Variants in ZNF142 observed in about 807,000 individuals in gnomAD.
The protein encoded by ZNF142 is zinc finger protein 142 (clone pHZ-49).
Under a neutral mutation model 132.1 loss-of-function variants are expected in ZNF142, and 96 were observed. The observed-to-expected ratio is 0.73, with a 90% confidence interval of 0.62 to 0.86. The LOEUF is 0.86. Ranked by LOEUF, ZNF142 falls within the 40% of genes least tolerant of loss-of-function variation. The pLI is 0.00. For synonymous variants in ZNF142, 842 were observed against 890.1 expected (o/e 0.95, Z 0.96); for missense variants, 2,163 against 2,336.2 (o/e 0.93, Z 1.53).
At chr2:218,652,513 A>AGGAATTTAT (rs1379936630) in intron 4 of ZNF142, among the ~76,000 whole-genome samples, 1 of 152,234 alleles carries the variant, frequency 6.6e-6, no homozygotes, top group Non-Finnish European at 1.5e-5. Flanking sequence ...AATACTTGGC[A>AGGAATTTAT]CAAGATAGGT....
rs749897534 is a variant in ZNF142, at chr2:218,633,514, A to C, written c.*4825T>G. ...AGGAGGGAGAATACAGTGGGGAGGC[A>C]GTGGGCAGAGGTTTAGGTTGGATGG... On this transcript the variant is annotated 3_prime_UTR_variant, in exon 11 of 11. Transcript: ENST00000411696. 7.0e-7 allele frequency: 1 copy of C among 1,428,810 alleles called. No homozygotes were observed. The highest frequency in any genetic ancestry group is 1.2e-5 in the South Asian group (1 of 86,604). 88.5% of individuals were successfully genotyped at this position (1,428,810 alleles called of 1,614,324 possible).
chr2:218,644,986 C>G lies in ZNF142; in HGVS notation c.2130G>C (p.Lys710Asn). The G allele has an allele frequency of 1.9e-6, 3 of 1,614,170 alleles. No individual in the cohort carries two copies. The highest frequency in any genetic ancestry group is 2.5e-6 in the Non-Finnish European group (3 of 1,180,010). Reference protein sequence around the residue: ...LSSHKLRHQGKSLMCEVCAFA... With the variant: ...LSSHKLRHQGNSLMCEVCAFA... Reference sequence around the variant, plus strand: ...AGGCACACACCTCACACATCAGAGACTTGCCCTGATGCCGCAGCTTGTGGC... The same window carrying G: ...AGGCACACACCTCACACATCAGAGAGTTGCCCTGATGCCGCAGCTTGTGGC... Residue 710 changes from lysine (K) to asparagine (N), a missense_variant, in exon 9 of 11, where the codon AAG becomes AAC. Lys to Asn is a moderately conservative substitution (Grantham distance 94). Transcript: ENST00000411696. The surrounding 1 kb of genome is among the most constrained non-coding windows in gnomAD (Gnocchi z 4.6).
At position 218,638,014 on chromosome 2, in the gene ZNF142, CAGTA is replaced by C. The variant is rs1224958213; in HGVS notation, c.*321_*324del. ...TTCTGAAAGAAAATAGGAATTGACA[CAGTA>C]AGAAGGAAAGAGAAGATGGAGTGGG... is the stretch of plus-strand genomic sequence containing the variant. On this transcript the variant is annotated 3_prime_UTR_variant, in exon 11 of 11. Coordinates refer to ENST00000411696, the MANE Select transcript of ZNF142 (RefSeq NM_001379659.1). 1.2e-5 allele frequency: 3 copies of C among 245,164 alleles called. No individual in the cohort carries two copies. Among genetic ancestry groups the C allele is most frequent in the African/African-American group, 4.5e-5 (2 of 44,878 alleles). The allele number at this position is 245,164 out of a possible 1,614,324, so 15.2% of individuals were successfully genotyped here. A position where few individuals can be genotyped will look rare whatever the true frequency, so the allele number is the denominator to read the frequency against.
rs1171890002 is a variant in ZNF142, at chr2:218,643,459, G to A, written c.3657C>T (p.His1219=). ...AGTGAAACTTGCCCTGCTCAAAGCG[G>A]TGCTTCTTCAGGGCCTCTGTGGGTG... ...NSSPTEALKK[H]RFEQGKFHCN... The change falls in exon 9 of 11, where the codon CAC becomes CAT. Residue 1219 remains histidine (H), a synonymous_variant. Coordinates refer to ENST00000411696, the MANE Select transcript of ZNF142 (RefSeq NM_001379659.1). The A allele has an allele frequency of 2.5e-6, 4 of 1,614,238 alleles. No homozygotes were observed. The highest frequency in any genetic ancestry group is 2.5e-6 in the Non-Finnish European group (3 of 1,180,040).
At chr2:218,655,246 C>T (rs1225226057) in intron 4 of ZNF142, among the ~76,000 whole-genome samples, 1 of 151,862 alleles carries the variant, frequency 6.6e-6, no homozygotes, top group Non-Finnish European at 1.5e-5. Context: ...TTTTAAATTT[C>T]TTTCACCATA....
chr2:218,656,783 C>T (rs1397322923), intron 3 of ZNF142, among the ~76,000 whole-genome samples: 1 of 150,032 alleles, frequency 6.7e-6, no homozygotes, highest in Non-Finnish European at 1.5e-5. Flanking sequence ...TTATCTGCAA[C>T]AAAATTAGGT....
chr2:218,634,320 T>C lies in ZNF142; in HGVS notation c.*4019A>G, dbSNP rs1342858671. On this transcript the variant is annotated 3_prime_UTR_variant, in exon 11 of 11. Transcript: ENST00000411696. The surrounding 1 kb of genome is among the most constrained non-coding windows in gnomAD (Gnocchi z 4.0). ...AGGGTTGGGGAATGCTCAAGAAAAT[T>C]GCTAGGCTGAGAAATGCTATCAGTG... 1 of 1,572,986 alleles carries C rather than the reference T, an allele frequency of 6.4e-7. No homozygotes were observed. The highest frequency in any genetic ancestry group is 8.6e-7 in the Non-Finnish European group (1 of 1,158,882).
In ZNF142 at chr2:218,636,059, A is replaced by G; in HGVS notation, c.*2280T>C. On this transcript the variant is annotated 3_prime_UTR_variant, in exon 11 of 11. Coordinates refer to ENST00000411696, the MANE Select transcript of ZNF142 (RefSeq NM_001379659.1). Reference sequence around the variant, plus strand: ...CATGGGAGGCAGTGTGGAACAGTACAAAGAATCCTGGCTCTTCACTTAAAA... The same window carrying G: ...CATGGGAGGCAGTGTGGAACAGTACGAAGAATCCTGGCTCTTCACTTAAAA... The G allele has an allele frequency of 6.8e-7, 1 of 1,473,042 alleles. No individual in the cohort carries two copies. Among genetic ancestry groups the G allele is most frequent in the Non-Finnish European group, 9.2e-7 (1 of 1,081,712 alleles). The allele number at this position is 1,473,042 out of a possible 1,614,324, so 91.2% of individuals were successfully genotyped here.
At position 218,649,010 on chromosome 2, in the gene ZNF142, G is replaced by A. The variant is rs753676337; in HGVS notation, c.1498C>T (p.Arg500Cys). The A allele has an allele frequency of 3.0e-5, 49 of 1,612,382 alleles. No individual in the cohort carries two copies. Among genetic ancestry groups the A allele is most frequent in the Middle Eastern group, 3.3e-4 (2 of 6,062 alleles). The change falls in exon 7 of 11, where the codon CGC becomes TGC. Residue 500 changes from arginine (R) to cysteine (C), a missense_variant. Arg to Cys is a radical substitution (Grantham distance 180). Around this residue, in one of 7 missense-constraint regions of ZNF142, gnomAD observed 749 missense variants for 830.3 expected, o/e 0.90. Transcript: ENST00000411696. The stretch of plus-strand genomic sequence containing the variant: ...TTCAGGTGCTTAATGAAGGCCTTGC[G>A]GTCGGGTGCTGCATAGCTGCAGCCC... The part of the protein sequence containing the change: ...QEGCSYAAPD[R>C]KAFIKHLKET...
Position 218,642,331 on chromosome 2 carries a change from C to G in ZNF142, c.4785G>C (p.Leu1595=). The G allele has an allele frequency of 6.2e-7, 1 of 1,613,808 alleles. No homozygotes were observed. Residue 1595 remains leucine, a synonymous_variant, in exon 9 of 11, where the codon CTG becomes CTC. Transcript: ENST00000411696. This position sits in a 1 kb window ranked among gnomAD's most constrained non-coding sequence, Gnocchi z 4.6. ...CATGCTGTTCCAGGTAGTGCTTTAC[C>G]AGGCCCACCCGCTCCCGGGCAGCAA... ...CDFAARERVG[L]VKHYLEQHEE... is the part of the protein sequence containing the mutation.
intron 10 of ZNF142, among the ~76,000 whole-genome samples, chr2:218,639,105 G>A (rs897191061): frequency 3.3e-5 from 5 of 152,150 alleles, no homozygotes; most frequent in Non-Finnish European, 7.3e-5. Context: ...CCAAGTAGCT[G>A]GAATAACAGG....
chr2:218,639,426 C>G (rs941602981), intron 10 of ZNF142, among the ~76,000 whole-genome samples: 23 of 152,178 alleles, frequency 1.5e-4, no homozygotes, highest in Admixed American at 6.6e-5. Context: ...AATGAATACT[C>G]AAATATGGAA....
At position 218,634,066 on chromosome 2, in the gene ZNF142, C is replaced by A; in HGVS notation, c.*4273G>T. 6.4e-7 allele frequency: 1 copy of A among 1,566,714 alleles called. No homozygotes were observed. Among genetic ancestry groups the A allele is most frequent in the Non-Finnish European group, 8.7e-7 (1 of 1,155,184 alleles). On this transcript the variant is annotated 3_prime_UTR_variant, in exon 11 of 11. Coordinates refer to ENST00000411696, the MANE Select transcript of ZNF142 (RefSeq NM_001379659.1). The surrounding 1 kb of genome is among the most constrained non-coding windows in gnomAD (Gnocchi z 4.0). ...CTTGGGACTAGGGAAGTGGGAGATT[C>A]CACCCCACTTCCATCTCCCTCTCTA...
At position 218,656,312 on chromosome 2, in the gene ZNF142, C is replaced by G. The variant is rs1440087923; in HGVS notation, c.118G>C (p.Val40Leu). 9 of 1,607,966 alleles carry G rather than the reference C, an allele frequency of 5.6e-6. No homozygotes were observed. Among genetic ancestry groups the G allele is most frequent in the Middle Eastern group, 1.7e-4 (1 of 6,042 alleles). The change falls in exon 4 of 11, where the codon GTC becomes CTC. Residue 40 changes from valine (V) to leucine (L), a missense_variant. By Grantham distance (32) the Val-to-Leu change is conservative (BLOSUM62 1). Transcript: ENST00000411696. ...TCCCGGGAAGGACAGGGGCTCTGGA[C>G]AGGCCCCAGGATTCCACGGTTAGAG... The part of the protein sequence containing the change: ...PLSNRGILGP[V>L]QSPCPSRDPA...
At chr2:218,641,746 C>T (rs1440394458) in intron 9 of ZNF142, among the ~76,000 whole-genome samples, 32 of 151,958 alleles carry the variant, frequency 2.1e-4, no homozygotes, top group Admixed American at 1.5e-3. Flanking sequence ...GCTCTGCTGC[C>T]GAGTGGTCTT....
chr2:218,654,106 T>C (rs1162048543), intron 4 of ZNF142, among the ~76,000 whole-genome samples: 5 of 152,194 alleles, frequency 3.3e-5, no homozygotes, highest in Non-Finnish European at 7.3e-5. Flanking sequence ...CTGATGGACA[T>C]TTGGGCTGTT....
Position 218,638,211 on chromosome 2 carries a change from G to C in ZNF142, c.*128C>G. On this transcript the variant is annotated 3_prime_UTR_variant, in exon 11 of 11. Transcript: ENST00000411696. ...AGTACTATAGCCAGAGTCCCAGGAAGGTTCTAGTCACCCTTGTACCCCAAA... is the reference window on the plus strand; with the variant it reads ...AGTACTATAGCCAGAGTCCCAGGAACGTTCTAGTCACCCTTGTACCCCAAA... 1.2e-6 allele frequency: 1 copy of C among 812,510 alleles called. No individual in the cohort carries two copies. The highest frequency in any genetic ancestry group is 1.7e-6 in the Non-Finnish European group (1 of 575,930). 50.3% of individuals were successfully genotyped at this position (812,510 alleles called of 1,614,324 possible).
chr2:218,633,875 A>ACC lies in ZNF142; in HGVS notation c.*4463_*4464insGG. The ACC allele has an allele frequency of 7.6e-7, 1 of 1,315,698 alleles. No individual in the cohort carries two copies. Among genetic ancestry groups the ACC allele is most frequent in the Non-Finnish European group, 1.1e-6 (1 of 941,218 alleles). The allele number at this position is 1,315,698 out of a possible 1,614,324, so 81.5% of individuals were successfully genotyped here. A position where few individuals can be genotyped will look rare whatever the true frequency, so the allele number is the denominator to read the frequency against. On this transcript the variant is annotated 3_prime_UTR_variant, in exon 11 of 11. Transcript: ENST00000411696. ...CAAGGTAGCTAAGGAGAGATGAAGG[A>ACC]GTTCAGAAACTCCTTAGAGCAGACA...
rs750166743 is a variant in ZNF142, at chr2:218,634,615, G to C, written c.*3724C>G. 6.2e-7 allele frequency: 1 copy of C among 1,613,758 alleles called. No homozygotes were observed. The highest frequency in any genetic ancestry group is 1.3e-5 in the African/African-American group (1 of 74,916). On this transcript the variant is annotated 3_prime_UTR_variant, in exon 11 of 11. Transcript: ENST00000411696. This position sits in a 1 kb window ranked among gnomAD's most constrained non-coding sequence, Gnocchi z 4.0. The stretch of plus-strand genomic sequence containing the variant: ...AGCCCATCAGCCCTTTCAAAGCCCA[G>C]ACTCTCTTAATCCAGGTACAGTGGA...
Sources: allele counts gnomAD v4.1 joint callset (sites outside exome capture counted in the v4.1 genomes callset), GRCh38; gene constraint gnomAD v4.1.1; regional missense constraint gnomAD v4.1.1; non-coding constraint Gnocchi (gnomAD v3.1); transcripts MANE v1.5; gene names NCBI Gene and HGNC (gene_info 2026-07-23, HGNC 2026-07-21).